CDC42SE2: variants seen among roughly 807,000 people sequenced by gnomAD.
CDC42SE2 encodes CDC42 small effector 2.
A neutral mutation model predicts 11.5 loss-of-function variants in CDC42SE2; 3 were observed. The ratio of observed to expected loss-of-function variants is 0.26; its 90% CI spans 0.12 to 0.67. CDC42SE2 has a LOEUF of 0.67. Ranked by LOEUF, CDC42SE2 falls within the 30% of genes least tolerant of loss-of-function variation. The probability of loss-of-function intolerance (pLI) is 0.80; values close to 1 mark genes in which losing one functional copy is unlikely to be tolerated. For missense variants in CDC42SE2, 82 were observed against 106.8 expected (o/e 0.77, Z 1.02); for synonymous variants, 33 against 34.8 (o/e 0.95, Z 0.18).
At chr5:131,352,324 T>C (rs1242825241) in intron 2 of CDC42SE2, among the ~76,000 whole-genome samples, 2 of 152,186 alleles carry the variant, frequency 1.3e-5, no homozygotes, top group Non-Finnish European at 2.9e-5. Flanking sequence ...GGTAAACAGA[T>C]TGTATAATAT....
rs749609193 is a variant in CDC42SE2, at chr5:131,377,021, G to A, written c.55-8522G>A. 3.2e-4 allele frequency among the ~76,000 whole-genome samples: 48 copies of A among 152,048 alleles called. 1 individual carries two copies. Among genetic ancestry groups the A allele is most frequent in the Non-Finnish European group, 5.7e-4 (39 of 68,004 alleles). ...GGTATATACTCAGTAAGGGGGTCCT[G>A]GGTCAAATGATACTTCTGTTTTTCA... On this transcript the variant is annotated intron_variant, in intron 3 of 4. Coordinates refer to ENST00000505065, the MANE Select transcript of CDC42SE2 (RefSeq NM_001375635.1).
the CDC42SE2 span, among the ~76,000 whole-genome samples, chr5:131,223,760 A>C: frequency 6.6e-6 from 1 of 152,206 alleles, no homozygotes; most frequent in Non-Finnish European, 1.5e-5. Context: ...TCTACTGCCC[A>C]ATTTTTTAAT....
In CDC42SE2 at chr5:131,394,587, T is replaced by C. The variant is rs1750795592; in HGVS notation, c.*3496T>C. ...CTTTTTTTGTACATTGTGTTCATTC[T>C]TGAATAAAATGAGTTCTGTGTTGGC... On this transcript the variant is annotated 3_prime_UTR_variant, in exon 5 of 5. Coordinates refer to ENST00000505065, the MANE Select transcript of CDC42SE2 (RefSeq NM_001375635.1). The C allele has an allele frequency of 6.6e-6, 1 of 152,382 alleles. No individual in the cohort carries two copies. The highest frequency in any genetic ancestry group is 2.1e-4 in the South Asian group (1 of 4,834). The allele number at this position is 152,382 out of a possible 1,614,324, so 9.4% of individuals were successfully genotyped here.
intron 3 of CDC42SE2, among the ~76,000 whole-genome samples, chr5:131,383,415 A>T (rs1750382235): frequency 6.6e-6 from 1 of 152,238 alleles, no homozygotes; most frequent in African/African-American, 2.4e-5. Flanking sequence ...AACTTTCAAA[A>T]AAAGGCTTGA....
chr5:131,383,241 G>A (rs1422982829), intron 3 of CDC42SE2, among the ~76,000 whole-genome samples: 2 of 152,204 alleles, frequency 1.3e-5, no homozygotes, highest in African/African-American at 4.8e-5. Flanking sequence ...ATCAGAGGGA[G>A]CAGTATGCGA....
chr5:131,356,383 G>A lies in CDC42SE2; in HGVS notation c.-285-2826G>A, dbSNP rs529368925. Reference sequence around the variant, plus strand: ...AAGAATTCAATACTTCCTTGAAGGTGTTTATATGTAAATATGTTTTACATA... The same window carrying A: ...AAGAATTCAATACTTCCTTGAAGGTATTTATATGTAAATATGTTTTACATA... On this transcript the variant is annotated intron_variant, in intron 2 of 4. Coordinates refer to ENST00000505065, the MANE Select transcript of CDC42SE2 (RefSeq NM_001375635.1). Among the ~76,000 whole-genome samples, 30 of 152,228 alleles carry A rather than the reference G, an allele frequency of 2.0e-4. No individual in the cohort carries two copies. The South Asian group carries it at 6.2e-3, about 32-fold the overall frequency.
At chr5:131,266,165 G>A (rs1292237741) in intron 1 of CDC42SE2, among the ~76,000 whole-genome samples, 2 of 152,118 alleles carry the variant, frequency 1.3e-5, no homozygotes, top group Non-Finnish European at 2.9e-5. Flanking sequence ...GAGATTTGTA[G>A]TTTTGCATTT....
intron 2 of CDC42SE2, among the ~76,000 whole-genome samples, chr5:131,346,797 A>G (rs955927960): frequency 6.6e-6 from 1 of 152,230 alleles, no homozygotes; most frequent in Non-Finnish European, 1.5e-5. Context: ...AATTATAACA[A>G]ACTGTCTCTC....
chr5:131,373,643 A>G (rs1226140392), intron 3 of CDC42SE2, among the ~76,000 whole-genome samples: 1 of 152,240 alleles, frequency 6.6e-6, no homozygotes, highest in Non-Finnish European at 1.5e-5. Flanking sequence ...ATTAGACAAC[A>G]GAAAAGCTAA....
At chr5:131,312,633 A>G (rs1468309589) in intron 1 of CDC42SE2, among the ~76,000 whole-genome samples, 2 of 152,146 alleles carry the variant, frequency 1.3e-5, no homozygotes, top group East Asian at 3.9e-4. Flanking sequence ...CGCGGGATAT[A>G]ATCTCGTGGT....
rs574983396 is a variant in CDC42SE2 at position 131,273,317 on chromosome 5, G to A, written c.-455+9151G>A. Among the ~76,000 whole-genome samples the A allele has an allele frequency of 2.5e-4, 37 of 149,354 alleles. No individual in the cohort carries two copies. In the East Asian group the frequency reaches 3.6e-3, roughly 14 times the overall value. On this transcript the variant is annotated intron_variant, in intron 1 of 4. Transcript: ENST00000505065. ...ACTACAGGCGCCCATCACCACGCCC[G>A]GCTTATTTTTGTATTTTTAGTAGAG...
At chr5:131,333,017 G>A (rs1179798293) in intron 2 of CDC42SE2, among the ~76,000 whole-genome samples, 1 of 152,052 alleles carries the variant, frequency 6.6e-6, no homozygotes, top group Admixed American at 6.6e-5. Flanking sequence ...CATTGCTTTT[G>A]GTGTTTTAGA....
At position 131,369,142 on chromosome 5, in the gene CDC42SE2, A is replaced by G. The variant is rs138213031; in HGVS notation, c.54+9595A>G. Among the ~76,000 whole-genome samples, 630 of 152,264 alleles carry G rather than the reference A, an allele frequency of 4.1e-3. 4 individuals carry two copies. The highest frequency in any genetic ancestry group is 0.013 in the African/African-American group (544 of 41,556). Reference sequence around the variant, plus strand: ...ATCTATGTATGTATCCCTAAACAGTATAATTTAGTTTGCCTGTTTTAACTT... The same window carrying G: ...ATCTATGTATGTATCCCTAAACAGTGTAATTTAGTTTGCCTGTTTTAACTT... On this transcript the variant is annotated intron_variant, in intron 3 of 4. Coordinates refer to ENST00000505065, the MANE Select transcript of CDC42SE2 (RefSeq NM_001375635.1).
the CDC42SE2 span, among the ~76,000 whole-genome samples, chr5:131,230,302 T>G: frequency 7.9e-5 from 12 of 152,230 alleles, no homozygotes; most frequent in East Asian, 7.7e-4. Context: ...TTTCTACTGT[T>G]TCACCACTCA....
chr5:131,384,076 A>G (rs1580790528), intron 3 of CDC42SE2, among the ~76,000 whole-genome samples: 1 of 152,370 alleles, frequency 6.6e-6, no homozygotes. Flanking sequence ...ACCTGTGTTC[A>G]GATAACCGTG....
At chr5:131,343,343 C>T (rs752940289) in intron 2 of CDC42SE2, among the ~76,000 whole-genome samples, 14 of 152,238 alleles carry the variant, frequency 9.2e-5, no homozygotes, top group African/African-American at 3.4e-4. Context: ...ACACTGAAAA[C>T]CTGCTGTGTT....
chr5:131,339,077 C>T (rs1255248176), intron 2 of CDC42SE2, among the ~76,000 whole-genome samples: 4 of 151,626 alleles, frequency 2.6e-5, no homozygotes, highest in African/African-American at 9.7e-5. Context: ...GAAACCCCGT[C>T]TCTACTAAAA....
At chr5:131,357,128 G>T (rs546221354) in intron 2 of CDC42SE2, among the ~76,000 whole-genome samples, 57 of 152,244 alleles carry the variant, frequency 3.7e-4, no homozygotes, top group African/African-American at 1.3e-3. Context: ...CCAATTCATT[G>T]GCCAAAGACT....
At chr5:131,285,245 C>T (rs1355295531) in intron 1 of CDC42SE2, among the ~76,000 whole-genome samples, 1 of 152,022 alleles carries the variant, frequency 6.6e-6, no homozygotes, top group Non-Finnish European at 1.5e-5. Flanking sequence ...GGGTTGTGCT[C>T]CAGCCTGGGT....
Sources: gnomAD v4.1 joint callset for allele counts (sites outside exome capture counted in the v4.1 genomes callset) on GRCh38, gnomAD v4.1.1 for gene constraint, MANE v1.5 for transcripts, NCBI Gene and HGNC (gene_info 2026-07-23, HGNC 2026-07-21) for gene names.